Variants in GPC5 observed in about 807,000 individuals in gnomAD.
GPC5 encodes the protein glypican 5, also known as glypican-5.
In GPC5, 47 loss-of-function variants were observed where a neutral mutation model predicts 53.9. The observed-to-expected ratio is 0.87, with a 90% CI of 0.69 to 1.11. The LOEUF (loss-of-function observed/expected upper bound fraction) is 1.11. GPC5 is among the 50% of genes most tolerant of loss of function. The probability of loss-of-function intolerance (pLI) is 0.00; values close to 1 mark genes in which losing one functional copy is unlikely to be tolerated. For synonymous variants in GPC5, 286 were observed against 263.3 expected, an observed-to-expected ratio of 1.09 and a Z score of -0.84; for missense variants, 748 against 713.1, an observed-to-expected ratio of 1.05 and a Z score of -0.56.
At position 91,709,600 on chromosome 13, in the gene GPC5, T is replaced by A. The variant is rs370355686; in HGVS notation, c.1020+15719T>A. Among the ~76,000 whole-genome samples the A allele has an allele frequency of 2.0e-3, 306 of 152,354 alleles. 2 individuals are homozygous for A. The highest frequency in any genetic ancestry group is 6.9e-3 in the African/African-American group (287 of 41,586). Reference sequence around the variant, plus strand: ...ACTAACTATGGGAAGCTTTCCTCTGTAGAAATGGTTGGGTAACTTTGTAAT... The same window carrying A: ...ACTAACTATGGGAAGCTTTCCTCTGAAGAAATGGTTGGGTAACTTTGTAAT... On this transcript the variant is annotated intron_variant, in intron 3 of 7. Transcript: ENST00000377067.
At chr13:92,219,615 CTCAG>C (rs1227186245) in intron 7 of GPC5, among the ~76,000 whole-genome samples, 1 of 152,152 alleles carries the variant, frequency 6.6e-6, no homozygotes, top group East Asian at 1.9e-4. Flanking sequence ...TGTCCCCTCC[CTCAG>C]TCAGTCAGGC....
At chr13:92,772,618 C>T (rs765125378) in intron 7 of GPC5, among the ~76,000 whole-genome samples, 4 of 152,128 alleles carry the variant, frequency 2.6e-5, no homozygotes, top group African/African-American at 7.2e-5. Context: ...TAGCCTTTAC[C>T]ACTACCTGTC....
intron 5 of GPC5, among the ~76,000 whole-genome samples, chr13:91,903,764 C>T (rs1215249119): frequency 2.6e-5 from 4 of 151,946 alleles, no homozygotes; most frequent in African/African-American, 7.3e-5. Flanking sequence ...AATTATAATA[C>T]ATTTTATCTA....
chr13:91,711,893 G>A (rs1441372420), intron 3 of GPC5, among the ~76,000 whole-genome samples: 1 of 152,106 alleles, frequency 6.6e-6, no homozygotes, highest in Non-Finnish European at 1.5e-5. Flanking sequence ...TTTATGGCTA[G>A]GCCATTGGCA....
chr13:91,979,512 T>C (rs190059984), intron 6 of GPC5, among the ~76,000 whole-genome samples: 1 of 152,232 alleles, frequency 6.6e-6, no homozygotes, highest in African/African-American at 2.4e-5. Flanking sequence ...ATATCGACCT[T>C]TGATTCAATT....
intron 7 of GPC5, among the ~76,000 whole-genome samples, chr13:92,743,761 T>C: frequency 6.6e-6 from 1 of 152,216 alleles, no homozygotes; most frequent in East Asian, 1.9e-4. Context: ...ATTCGTCCCA[T>C]CAATACCTAA....
At chr13:92,628,703 A>T (rs1386951522) in intron 7 of GPC5, among the ~76,000 whole-genome samples, 2 of 152,030 alleles carry the variant, frequency 1.3e-5, no homozygotes, top group Non-Finnish European at 2.9e-5. Context: ...AAGCTGAAAC[A>T]CCCATCTGCC....
intron 7 of GPC5, among the ~76,000 whole-genome samples, chr13:92,601,155 A>T (rs1223362218): frequency 6.6e-6 from 1 of 152,180 alleles, no homozygotes; most frequent in Non-Finnish European, 1.5e-5. Flanking sequence ...AAAATTTCCA[A>T]CATGTCTTGA....
intron 7 of GPC5, among the ~76,000 whole-genome samples, chr13:92,640,448 G>A (rs935905094): frequency 2.6e-5 from 4 of 152,082 alleles, no homozygotes; most frequent in Non-Finnish European, 5.9e-5. Flanking sequence ...TTTTAGTAGA[G>A]ACGGAGTTTC....
intron 6 of GPC5, among the ~76,000 whole-genome samples, chr13:92,062,504 G>A (rs538427870): frequency 1.5e-4 from 23 of 151,886 alleles, no homozygotes; most frequent in South Asian, 2.1e-4. Flanking sequence ...TCCTAATCTC[G>A]TAAAATAGCT....
At chr13:91,869,499 A>G (rs1359734673) in intron 5 of GPC5, among the ~76,000 whole-genome samples, 1 of 152,174 alleles carries the variant, frequency 6.6e-6, no homozygotes, top group African/African-American at 2.4e-5. Flanking sequence ...TTTATTTGCT[A>G]TTGAATATAT....
At chr13:91,537,091 G>A (rs1360933) in intron 2 of GPC5, among the ~76,000 whole-genome samples, 120,273 of 152,062 alleles carry the variant, frequency 0.79, 48,262 homozygotes, top group East Asian at 1. Context: ...CCTACATTAT[G>A]AAAGAAAAAA....
chr13:92,484,541 G>C (rs529268982), intron 7 of GPC5: 1 of 152,184 alleles, frequency 6.6e-6, no homozygotes, highest in Admixed American at 6.5e-5. Flanking sequence ...TGTGAGTAAT[G>C]CATTGTGCTC....
At position 91,441,050 on chromosome 13, in the gene GPC5, C is replaced by T. The variant is rs550093280; in HGVS notation, c.164-7711C>T. Reference sequence around the variant, plus strand: ...AGTTTTCTATTTGAGTCACTTTGTACGTGGAATATCCTCAGGCTAAAAGCC... The same window carrying T: ...AGTTTTCTATTTGAGTCACTTTGTATGTGGAATATCCTCAGGCTAAAAGCC... On this transcript the variant is annotated intron_variant, in intron 1 of 7. Transcript: ENST00000377067. 3.9e-5 allele frequency among the ~76,000 whole-genome samples: 6 copies of T among 152,262 alleles called. No individual in the cohort carries two copies. The East Asian group carries it at 5.8e-4, about 15-fold the overall frequency.
intron 7 of GPC5, among the ~76,000 whole-genome samples, chr13:92,312,716 A>G (rs1222532839): frequency 1.3e-5 from 2 of 152,198 alleles, no homozygotes; most frequent in African/African-American, 2.4e-5. Context: ...TAAATTAGAA[A>G]AAAAGAATTG....
chr13:92,853,854 T>C (rs1395199567), intron 7 of GPC5, among the ~76,000 whole-genome samples: 1 of 152,130 alleles, frequency 6.6e-6, no homozygotes, highest in African/African-American at 2.4e-5. Context: ...TATCCAATAG[T>C]GCCGCATCAA....
At chr13:91,503,817 A>AATCATCATCATCATCATCATC (rs1230141661) in intron 2 of GPC5, among the ~76,000 whole-genome samples, 17 of 147,416 alleles carry the variant, frequency 1.2e-4, no homozygotes, top group African/African-American at 4.0e-4. Context: ...TAATAATAAT[A>AATCATCATCATCATCATCATC]ATCAGGCTGT....
rs994611824 is a variant in GPC5, at chr13:91,673,421, G to A, written c.326-19766G>A. On this transcript the variant is annotated intron_variant, in intron 2 of 7. Coordinates refer to ENST00000377067, the MANE Select transcript of GPC5 (RefSeq NM_004466.6). ...TTTCTGAACATCTATACTAACCATC[G>A]ATGACATAACAACTGGTTGTTCACT... Among the ~76,000 whole-genome samples, 8 of 151,860 alleles carry A rather than the reference G, an allele frequency of 5.3e-5. No individual in the cohort carries two copies. In the South Asian group the frequency reaches 1.0e-3, roughly 20 times the overall value.
intron 6 of GPC5, among the ~76,000 whole-genome samples, chr13:91,984,041 A>G (rs1388890601): frequency 6.6e-6 from 1 of 152,164 alleles, no homozygotes; most frequent in East Asian, 1.9e-4. Context: ...GTCCAACTTT[A>G]TATTTCTAGA....
Sources: allele counts gnomAD v4.1 joint callset (sites outside exome capture counted in the v4.1 genomes callset), GRCh38; gene constraint gnomAD v4.1.1; transcripts MANE v1.5; gene names NCBI Gene and HGNC (gene_info 2026-07-23, HGNC 2026-07-21).